The following MCM6 variants were observed in gnomAD, a reference collection of about 807,000 sequenced individuals.
MCM6 encodes the protein DNA replication licensing factor MCM6.
In MCM6, 46 loss-of-function variants were observed where a neutral mutation model predicts 94.3. That is an observed-to-expected ratio of 0.49 (90% CI 0.39 to 0.62). The LOEUF (loss-of-function observed/expected upper bound fraction) is 0.62, where lower values mean the gene tolerates loss of function less well. MCM6 is among the 20% of genes least tolerant of loss of function. MCM6 has a pLI of 0.00. For missense variants in MCM6, 865 were observed against 1,017.9 expected (o/e 0.85, Z 2.04); for synonymous variants, 335 against 351.9 (o/e 0.95, Z 0.54).
intron 1 of MCM6, among the ~76,000 whole-genome samples, chr2:135,876,027 T>TAA (rs1680289752): frequency 2.6e-5 from 4 of 152,208 alleles, no homozygotes; most frequent in Non-Finnish European, 5.9e-5. Context: ...CGCTGAGCAC[T>TAA]GGGCACGAGC....
chr2:135,874,679 T>C (rs1236278281), intron 1 of MCM6, among the ~76,000 whole-genome samples: 3 of 152,088 alleles, frequency 2.0e-5, no homozygotes, highest in African/African-American at 7.2e-5. Flanking sequence ...ACTTTTTGAG[T>C]GCTGACATGA....
rs61750436 is a variant in MCM6, at chr2:135,870,341, C to T, written c.275G>A (p.Arg92Gln). 3,210 of 1,613,466 alleles carry T rather than the reference C, an allele frequency of 2.0e-3. 3 individuals carry two copies. Among genetic ancestry groups the T allele is most frequent in the Admixed American group, 2.5e-3 (148 of 59,988 alleles). Reference protein sequence around the residue: ...EFYRVYPYLCRALKTFVKDRK... With the variant: ...EFYRVYPYLCQALKTFVKDRK... ...GTCTTTGACGAATGTTTTCAAGGCCCGACACAGGTAAGGGTAAACTCTGAA... is the reference window on the plus strand; with the variant it reads ...GTCTTTGACGAATGTTTTCAAGGCCTGACACAGGTAAGGGTAAACTCTGAA... Residue 92 changes from arginine (R) to glutamine (Q), a missense_variant, in exon 3 of 17, where the codon CGG (arginine) becomes CAG (glutamine). Arg to Gln is a conservative substitution (Grantham distance 43, BLOSUM62 1). Coordinates refer to ENST00000264156, the MANE Select transcript of MCM6 (RefSeq NM_005915.6).
rs1679554086 is a variant in MCM6, at chr2:135,840,799, A to C, written c.*36T>G. On this transcript the variant is annotated 3_prime_UTR_variant, in exon 17 of 17. Transcript: ENST00000264156. ...GCTCCAGGCCACGAGGTGCTGTGCC[A>C]CAGTTCCTCAGCTCTGGTCAGTTAC... The C allele has an allele frequency of 6.9e-7, 1 of 1,457,682 alleles. No individual in the cohort carries two copies. Among genetic ancestry groups the C allele is most frequent in the Non-Finnish European group, 9.6e-7 (1 of 1,037,942 alleles). 90.3% of individuals were successfully genotyped at this position (1,457,682 alleles called of 1,614,324 possible).
At chr2:135,849,288 G>A (rs4988247) in intron 13 of MCM6, among the ~76,000 whole-genome samples, 200 of 152,272 alleles carry the variant, frequency 1.3e-3, no homozygotes, top group African/African-American at 4.5e-3. Context: ...TCATGAAAGC[G>A]TATGTCAAGA....
intron 3 of MCM6, among the ~76,000 whole-genome samples, chr2:135,869,407 AAAAAAAAAC>A (rs1054725860): frequency 6.6e-6 from 1 of 151,484 alleles, no homozygotes; most frequent in Non-Finnish European, 1.5e-5. Flanking sequence ...TCTCAGAAAA[AAAAAAAAAC>A]AAAAACAGAA....
intron 11 of MCM6, among the ~76,000 whole-genome samples, chr2:135,853,788 A>C (rs1362392096): frequency 3.3e-5 from 5 of 152,202 alleles, no homozygotes; most frequent in African/African-American, 1.2e-4. Context: ...TTCAGGAAAA[A>C]AGTGTGCAGA....
In MCM6 at chr2:135,852,902, G is replaced by A. The variant is rs1679803396; in HGVS notation, c.1640C>T (p.Ala547Val). 1 of 1,604,552 alleles carries A rather than the reference G, an allele frequency of 6.2e-7. No homozygotes were observed. Among genetic ancestry groups the A allele is most frequent in the Non-Finnish European group, 8.5e-7 (1 of 1,176,308 alleles). ...CAAATCTACTATGCGCCTGGCAATGGCATAATCTGTAACCTAATTCAAAAC... is the reference window on the plus strand; with the variant it reads ...CAAATCTACTATGCGCCTGGCAATGACATAATCTGTAACCTAATTCAAAAC... ...VDECNEVTDYAIARRIVDLHS... is the reference protein window; with the variant it reads ...VDECNEVTDYVIARRIVDLHS... Residue 547 changes from alanine to valine, a missense_variant, in exon 12 of 17, where the codon GCC becomes GTC. Physicochemically the swap from Ala to Val is moderately conservative, Grantham distance 64. Coordinates refer to ENST00000264156, the MANE Select transcript of MCM6 (RefSeq NM_005915.6).
chr2:135,852,768 G>T lies in MCM6; in HGVS notation c.1755+19C>A. On this transcript the variant is annotated intron_variant, in intron 12 of 16. Coordinates refer to ENST00000264156, the MANE Select transcript of MCM6 (RefSeq NM_005915.6). ...AATATACCCATTATACCTTATCCCA[G>T]TACAAAAGGGTAGGTTACCTTGGGT... is the stretch of plus-strand genomic sequence containing the variant. 1.9e-6 allele frequency: 3 copies of T among 1,543,562 alleles called. No homozygotes were observed. The highest frequency in any genetic ancestry group is 2.6e-6 in the Non-Finnish European group (3 of 1,144,980).
At chr2:135,851,176 C>T (rs145946881) in intron 13 of MCM6, among the ~76,000 whole-genome samples, 18 of 152,286 alleles carry the variant, frequency 1.2e-4, no homozygotes, top group Middle Eastern at 6.8e-3. Context: ...TGGTAACTTA[C>T]GTCTTTATGC....
At chr2:135,850,542 C>T (rs1370711240) in intron 13 of MCM6, among the ~76,000 whole-genome samples, 1 of 152,008 alleles carries the variant, frequency 6.6e-6, no homozygotes, top group African/African-American at 2.4e-5. Flanking sequence ...TATTAAATAA[C>T]CTAGTGTGAA....
chr2:135,855,410 A>G (rs141630492), intron 11 of MCM6, among the ~76,000 whole-genome samples: 25 of 152,218 alleles, frequency 1.6e-4, no homozygotes, highest in African/African-American at 5.8e-4. Context: ...GCAGGCCTAC[A>G]ATCTTAGCTA....
chr2:135,865,366 G>A (rs559349127), intron 6 of MCM6, among the ~76,000 whole-genome samples: 7 of 152,152 alleles, frequency 4.6e-5, no homozygotes, highest in African/African-American at 9.7e-5. Flanking sequence ...CATTTGTCCA[G>A]TGAGTTAAAT....
rs1558754166 is a variant in MCM6, at chr2:135,846,225, GGT to G, written c.2209+10_2209+11del. ...GTGACCGAGCATGTAAGCAGTACCA[GGT>G]AAGCCTCACCTTCTTCCACCTTTCT... On this transcript the variant is annotated intron_variant, in intron 15 of 16. Coordinates refer to ENST00000264156, the MANE Select transcript of MCM6 (RefSeq NM_005915.6). 5.0e-6 allele frequency: 8 copies of G among 1,613,462 alleles called. No homozygotes were observed. The African/African-American group carries it at 6.7e-5, about 13-fold the overall frequency.
intron 8 of MCM6, 52 bp from the exon 9 acceptor site, chr2:135,859,494 C>T: frequency 1.5e-6 from 2 of 1,322,000 alleles, no homozygotes; most frequent in Non-Finnish European, 1.0e-6. Context: ...ATACAGCACC[C>T]TTCCCAGGAA....
intron 4 of MCM6, 147 bp from the exon 5 acceptor site, chr2:135,866,875 A>C: frequency 1.7e-6 from 1 of 590,694 alleles, no homozygotes. Context: ...ATTTATCCTA[A>C]AAATTATCTA....
rs1016677087 is a variant in MCM6 at position 135,857,968 on chromosome 2, C to T, written c.1399G>A (p.Val467Met). ...CCIDEFDKMD[V>M]RDQVAIHEAM... ...TCATGAATAGCAACTTGATCCCGCA[C>T]GTCCATCTTATCAAATTCATCAATA... Residue 467 changes from valine (V) to methionine (M), a missense_variant, in exon 10 of 17, where the codon GTG (valine) becomes ATG (methionine). Transcript: ENST00000264156. 1.2e-5 allele frequency: 19 copies of T among 1,613,842 alleles called. No homozygotes were observed. Among genetic ancestry groups the T allele is most frequent in the Non-Finnish European group, 1.4e-5 (16 of 1,180,008 alleles).
At chr2:135,868,304 ATTTC>A (rs1022377154) in intron 4 of MCM6, among the ~76,000 whole-genome samples, 2 of 152,186 alleles carry the variant, frequency 1.3e-5, no homozygotes, top group African/African-American at 2.4e-5. Flanking sequence ...ACAAGTTGCT[ATTTC>A]TTTAAGTTTT....
intron 1 of MCM6, 119 bp from the exon 2 acceptor site, chr2:135,872,962 G>T (rs1680229679): frequency 5.6e-6 from 7 of 1,256,050 alleles, no homozygotes; most frequent in Middle Eastern, 2.1e-4. Flanking sequence ...ATGTTTGGCA[G>T]TTCTGTAACT....
chr2:135,871,186 C>T (rs372523502), intron 2 of MCM6, among the ~76,000 whole-genome samples: 4 of 152,256 alleles, frequency 2.6e-5, no homozygotes, highest in Non-Finnish European at 4.4e-5. Context: ...ATACCTACTC[C>T]AGCTTAGTTT....
Sources: gnomAD v4.1 joint callset for allele counts (sites outside exome capture counted in the v4.1 genomes callset) on GRCh38, gnomAD v4.1.1 for gene constraint, MANE v1.5 for transcripts, NCBI Gene and HGNC (gene_info 2026-07-23, HGNC 2026-07-21) for gene names.